ZSCAN5A: variants seen among roughly 807,000 people sequenced by gnomAD.
ZSCAN5A encodes the protein zinc finger and SCAN domain containing 5A, also known as zinc finger and SCAN domain-containing protein 5A.
Under a neutral mutation model 23.7 loss-of-function variants are expected in ZSCAN5A, and 12 were observed. The observed-to-expected ratio is 0.51, with a 90% CI of 0.32 to 0.82. ZSCAN5A has a LOEUF of 0.82. ZSCAN5A is among the 40% of genes least tolerant of loss of function. The pLI, the probability that ZSCAN5A is intolerant of heterozygous loss-of-function variation, is 0.03. For synonymous variants in ZSCAN5A, 257 were observed against 239.9 expected (o/e 1.07, Z -0.66); for missense variants, 597 against 617.9 (o/e 0.97, Z 0.36).
intron 1 of ZSCAN5A, among the ~76,000 whole-genome samples, chr19:56,364,531 C>T (rs1004257864): frequency 6.6e-6 from 1 of 152,174 alleles, no homozygotes; most frequent in Non-Finnish European, 1.5e-5. Context: ...GGTACAACCA[C>T]TTTGGAAAAC....
intron 2 of ZSCAN5A, chr19:56,320,281 C>T (rs942773188): frequency 2.7e-5 from 12 of 448,852 alleles, no homozygotes; most frequent in Admixed American, 1.8e-4. Context: ...TTTAGAAAGG[C>T]CAGGCGAGGC....
At chr19:56,248,416 T>C (rs1009482894) in intron 2 of ZSCAN5A, among the ~76,000 whole-genome samples, 10 of 151,904 alleles carry the variant, frequency 6.6e-5, no homozygotes, top group African/African-American at 1.5e-4. Flanking sequence ...CACCACACCA[T>C]GTCAGCTAAT....
At chr19:56,345,307 A>G (rs1002396630) in intron 2 of ZSCAN5A, among the ~76,000 whole-genome samples, 2 of 152,216 alleles carry the variant, frequency 1.3e-5, no homozygotes, top group Non-Finnish European at 2.9e-5. Context: ...GCTCTTTTAT[A>G]TATTTTCATT....
chr19:56,256,066 A>G (rs2036670574), intron 2 of ZSCAN5A, among the ~76,000 whole-genome samples: 6 of 152,254 alleles, frequency 3.9e-5, no homozygotes, highest in Admixed American at 3.9e-4. Context: ...CACACACTAA[A>G]AAACTAGAAA....
rs183781776 is a variant in ZSCAN5A, at chr19:56,285,202, C to T, written c.-128+28081G>A. Among the ~76,000 whole-genome samples, 226 of 152,310 alleles carry T rather than the reference C, an allele frequency of 1.5e-3. 4 individuals carry two copies. In the South Asian group the frequency reaches 0.033, roughly 22 times the overall value. ...AAATCTTTATTGCTATATAAGGTTA[C>T]AGCTAGAATTTTGCCTAATAATTAT... On this transcript the variant is annotated intron_variant, in intron 2 of 5. Transcript: ENST00000683990.
intron 1 of ZSCAN5A, among the ~76,000 whole-genome samples, chr19:56,363,838 A>C (rs2041748704): frequency 6.6e-6 from 1 of 152,248 alleles, no homozygotes; most frequent in Non-Finnish European, 1.5e-5. Context: ...GTGAGCAAAT[A>C]AATGACCTAA....
At chr19:56,367,081 T>A (rs544144173) in intron 1 of ZSCAN5A, 1 of 152,330 alleles carries the variant, frequency 6.6e-6, no homozygotes, top group South Asian at 2.1e-4. Context: ...TTAAAGTGGC[T>A]GGCTGCAGTG....
intron 2 of ZSCAN5A, among the ~76,000 whole-genome samples, chr19:56,360,668 T>C (rs2041728406): frequency 6.6e-6 from 1 of 151,798 alleles, no homozygotes; most frequent in Non-Finnish European, 1.5e-5. Flanking sequence ...TTACACCTTA[T>C]ACAAAAATTA....
intron 2 of ZSCAN5A, among the ~76,000 whole-genome samples, chr19:56,359,663 G>T (rs113428998): frequency 6.6e-6 from 1 of 152,030 alleles, no homozygotes. Flanking sequence ...GATGAACATC[G>T]ATGTCAAAAT....
intron 2 of ZSCAN5A, among the ~76,000 whole-genome samples, chr19:56,267,384 T>C (rs2037550913): frequency 6.6e-6 from 1 of 152,124 alleles, no homozygotes; most frequent in Non-Finnish European, 1.5e-5. Context: ...GTTAGGTATA[T>C]AGTCTATTAA....
At chr19:56,310,330 T>C (rs2040958638) in intron 2 of ZSCAN5A, 1 of 152,242 alleles carries the variant, frequency 6.6e-6, no homozygotes, top group South Asian at 2.1e-4. Context: ...GGCCATGCCT[T>C]AGGGGGATGC....
chr19:56,361,113 G>C (rs1310463364), intron 2 of ZSCAN5A, among the ~76,000 whole-genome samples: 1 of 152,054 alleles, frequency 6.6e-6, no homozygotes, highest in Non-Finnish European at 1.5e-5. Context: ...CTGGAGAAAT[G>C]CCAATGATCA....
Position 56,278,948 on chromosome 19 carries a change from G to C in ZSCAN5A, c.-128+34335C>G, listed in dbSNP as rs933396969. ...ACTGGATGGTGCTCACCCACCGTGA[G>C]GGTGGATCTTCCCTACCTAGTCTTC... On this transcript the variant is annotated intron_variant, in intron 2 of 5. Coordinates refer to ENST00000683990, the MANE Select transcript of ZSCAN5A (RefSeq NM_001322064.3). 5.1e-4 allele frequency among the ~76,000 whole-genome samples: 77 copies of C among 152,178 alleles called. 1 individual carries two copies. Among genetic ancestry groups the C allele is most frequent in the Non-Finnish European group, 2.9e-5 (2 of 68,032 alleles).
In ZSCAN5A at chr19:56,352,463, C is replaced by T. The variant is rs1311658699; in HGVS notation, c.-358+10772G>A. ...TTCGGTGAAAAAATAAACATTTATC[C>T]TTAGATGCTGAGCGTGAATGTGAGA... On this transcript the variant is annotated intron_variant, in intron 2 of 6. Transcript: ENST00000587340. This position sits in a 1 kb window ranked among gnomAD's most constrained non-coding sequence, Gnocchi z 4.2. Among the ~76,000 whole-genome samples, 2 of 152,080 alleles carry T rather than the reference C, an allele frequency of 1.3e-5. No homozygotes were observed. Among genetic ancestry groups the T allele is most frequent in the Non-Finnish European group, 2.9e-5 (2 of 68,024 alleles).
At chr19:56,328,506 G>T (rs2041457195) in intron 2 of ZSCAN5A, among the ~76,000 whole-genome samples, 1 of 151,666 alleles carries the variant, frequency 6.6e-6, no homozygotes, top group Non-Finnish European at 1.5e-5. Context: ...GCTGGGCATG[G>T]TGGTGCGCAC....
intron 2 of ZSCAN5A, chr19:56,304,861 C>G: frequency 1.1e-6 from 1 of 942,066 alleles, no homozygotes; most frequent in Non-Finnish European, 1.3e-6. Flanking sequence ...GGGCTTTTCC[C>G]ACCGCTGGGG....
chr19:56,296,866 T>C (rs868550152), intron 2 of ZSCAN5A, among the ~76,000 whole-genome samples: 1 of 152,156 alleles, frequency 6.6e-6, no homozygotes, highest in African/African-American at 2.4e-5. Context: ...AAACTCCGTC[T>C]CTACTAAAAT....
chr19:56,302,728 T>G (rs1350761375), intron 2 of ZSCAN5A: 7 of 170,086 alleles, frequency 4.1e-5, no homozygotes, highest in African/African-American at 1.9e-4. Context: ...CCCTCCCACC[T>G]CTAGACTGGG....
chr19:56,294,044 C>T (rs936757055), intron 2 of ZSCAN5A, among the ~76,000 whole-genome samples: 6 of 152,192 alleles, frequency 3.9e-5, no homozygotes, highest in African/African-American at 1.4e-4. Context: ...TTTCCCAGGC[C>T]CTTCTCCAGC....
Sources: allele counts gnomAD v4.1 joint callset (sites outside exome capture counted in the v4.1 genomes callset), GRCh38; gene constraint gnomAD v4.1.1; non-coding constraint Gnocchi (gnomAD v3.1); transcripts MANE v1.5; gene names NCBI Gene and HGNC (gene_info 2026-07-23, HGNC 2026-07-21).